PAK3: variants seen among roughly 807,000 people sequenced by gnomAD.
The protein encoded by PAK3 is serine/threonine-protein kinase PAK 3.
PAK3 carries 4 observed loss-of-function variants against 41.0 expected under a neutral mutation model. The ratio of observed to expected loss-of-function variants is 0.10; its 90% CI spans 0.05 to 0.22. The LOEUF is 0.22. Ranked by LOEUF, PAK3 falls within the 10% of genes least tolerant of loss-of-function variation. The pLI is 1.00. For missense variants in PAK3, 205 were observed against 409.9 expected (o/e 0.50, Z 4.32); for synonymous variants, 146 against 139.6 (o/e 1.05, Z -0.32).
intron 10 of PAK3, among the ~76,000 whole-genome samples, chrX:111,171,829 G>T (rs191515602): frequency 1.8e-5 from 2 of 111,693 alleles, no homozygotes; most frequent in East Asian, 5.6e-4. Flanking sequence ...ATATGTTAAA[G>T]ACATTCAATT....
At chrX:110,944,939 G>A (rs2090579547) in intron 1 of PAK3, among the ~76,000 whole-genome samples, 1 of 111,867 alleles carries the variant, frequency 8.9e-6, no homozygotes, top group Non-Finnish European at 1.9e-5. Flanking sequence ...CTTGTTCAGG[G>A]AGCTCAGGGA....
chrX:111,125,982 C>T (rs1183906700), intron 5 of PAK3, among the ~76,000 whole-genome samples: 1 of 111,560 alleles, frequency 9.0e-6, no homozygotes, highest in Non-Finnish European at 1.9e-5. Context: ...TTAGAAGGGC[C>T]ACTTAAATTC....
At chrX:111,079,315 A>G (rs1180978024) in intron 1 of PAK3, among the ~76,000 whole-genome samples, 1 of 112,233 alleles carries the variant, frequency 8.9e-6, no homozygotes, top group Non-Finnish European at 1.9e-5. Flanking sequence ...GGCTAACGCA[A>G]CCAGTGACTA....
intron 17 of PAK3, among the ~76,000 whole-genome samples, chrX:111,218,140 G>A (rs766023361): frequency 1.8e-5 from 2 of 111,961 alleles, no homozygotes; most frequent in Admixed American, 1.9e-4. Flanking sequence ...GATTAGAAAG[G>A]GGAGAGATGC....
rs780333949 is a variant in PAK3, at chrX:111,034,098, T to C, written c.-27-88979T>C. 9.9e-5 allele frequency among the ~76,000 whole-genome samples: 11 copies of C among 111,383 alleles called. No individual in the cohort carries two copies. The Middle Eastern group carries it at 0.014, about 139-fold the overall frequency. On this transcript the variant is annotated intron_variant, in intron 1 of 14. Transcript: ENST00000425146. ...TCTACCATACAGTTCTTCTTCTTTA[T>C]TTTATTTCTGCATTTTGTTTTCCAT...
At chrX:111,050,314 G>A (rs901557146) in intron 1 of PAK3, among the ~76,000 whole-genome samples, 4 of 111,407 alleles carry the variant, frequency 3.6e-5, no homozygotes, top group African/African-American at 1.3e-4. Context: ...ATCAAGATAA[G>A]CAATGGAGAA....
intron 1 of PAK3, among the ~76,000 whole-genome samples, chrX:111,070,412 A>G (rs1260732356): frequency 8.9e-6 from 1 of 111,815 alleles, no homozygotes; most frequent in Admixed American, 9.5e-5. Context: ...GCATTCCTCA[A>G]AAAGAGACAT....
chrX:110,952,492 A>T (rs1471777164), intron 1 of PAK3, among the ~76,000 whole-genome samples: 2 of 111,006 alleles, frequency 1.8e-5, no homozygotes, highest in Non-Finnish European at 3.8e-5. Flanking sequence ...AGATTTGGCA[A>T]CTTCTCTCCT....
chrX:111,132,486 C>T (rs142385916), intron 5 of PAK3, among the ~76,000 whole-genome samples: 2,762 of 110,813 alleles, frequency 0.025, 85 homozygotes, highest in African/African-American at 0.086. Context: ...AGGACAAGGG[C>T]TTCTGGTGTC....
chrX:111,180,517 A>T (rs190546613), intron 11 of PAK3, among the ~76,000 whole-genome samples: 2 of 112,256 alleles, frequency 1.8e-5, no homozygotes, highest in African/African-American at 6.5e-5. Flanking sequence ...AGTACCAATC[A>T]CATGAAAGAT....
intron 8 of PAK3, among the ~76,000 whole-genome samples, chrX:111,160,256 TA>T (rs922292550): frequency 2.7e-5 from 3 of 111,546 alleles, no homozygotes; most frequent in Non-Finnish European, 5.7e-5. Flanking sequence ...TATTAAAATG[TA>T]AAAAATAGGT....
At chrX:111,083,473 T>A (rs2092852161) in intron 1 of PAK3, among the ~76,000 whole-genome samples, 1 of 112,286 alleles carries the variant, frequency 8.9e-6, no homozygotes, top group Non-Finnish European at 1.9e-5. Flanking sequence ...TCATTCCATA[T>A]CCTCTCTCAC....
At chrX:110,974,063 G>A (rs912377893) in intron 1 of PAK3, among the ~76,000 whole-genome samples, 1 of 111,512 alleles carries the variant, frequency 9.0e-6, no homozygotes, top group Non-Finnish European at 1.9e-5. Flanking sequence ...GATTCATAAA[G>A]CAAGTCCTTA....
At chrX:110,988,277 A>G (rs1055442606) in intron 1 of PAK3, among the ~76,000 whole-genome samples, 2 of 111,800 alleles carry the variant, frequency 1.8e-5, no homozygotes, top group African/African-American at 6.5e-5. Context: ...CTGTTATTCA[A>G]GCTGTCAATT....
chrX:111,016,036 A>T (rs2092084781), intron 1 of PAK3, among the ~76,000 whole-genome samples: 1 of 110,992 alleles, frequency 9.0e-6, no homozygotes. Context: ...TCTCACTGAA[A>T]CTCAAAGCTT....
At chrX:111,052,414 T>C (rs1435594394) in intron 1 of PAK3, among the ~76,000 whole-genome samples, 4 of 112,667 alleles carry the variant, frequency 3.6e-5, no homozygotes, top group African/African-American at 1.3e-4. Flanking sequence ...AATTTCATCC[T>C]TTAGTCCCTC....
intron 1 of PAK3, among the ~76,000 whole-genome samples, chrX:111,001,178 A>G (rs955554761): frequency 8.9e-6 from 1 of 112,208 alleles, no homozygotes; most frequent in Non-Finnish European, 1.9e-5. Context: ...TTTTAAAGGT[A>G]TCGGAAAGAG....
chrX:110,969,153 G>A (rs2091148906), intron 1 of PAK3, among the ~76,000 whole-genome samples: 2 of 76,650 alleles, frequency 2.6e-5, no homozygotes, highest in East Asian at 9.8e-4. Flanking sequence ...TCACAATGTT[G>A]GCCAGGCTGG....
At chrX:111,012,801 G>C (rs1388120487) in intron 1 of PAK3, among the ~76,000 whole-genome samples, 5 of 111,414 alleles carry the variant, frequency 4.5e-5, no homozygotes, top group African/African-American at 6.5e-5. Context: ...ATTTTTTTGA[G>C]ACAGGGTCTT....
Sources: allele counts gnomAD v4.1 joint callset (sites outside exome capture counted in the v4.1 genomes callset), GRCh38; gene constraint gnomAD v4.1.1; transcripts MANE v1.5; gene names NCBI Gene and HGNC (gene_info 2026-07-23, HGNC 2026-07-21).